Variants in MACROD2 observed in about 807,000 individuals in gnomAD.
MACROD2 encodes mono-ADP ribosylhydrolase 2.
In MACROD2, 36 loss-of-function variants were observed where a neutral mutation model predicts 70.4. The observed-to-expected ratio is 0.51, with a 90% confidence interval of 0.39 to 0.68. The LOEUF (loss-of-function observed/expected upper bound fraction) is 0.68, where lower values mean the gene tolerates loss of function less well. Among genes scored for constraint, MACROD2 ranks in the 30% least tolerant of loss-of-function variants. MACROD2 has a pLI of 0.00. For missense variants in MACROD2, 496 were observed against 538.4 expected (o/e 0.92, Z 0.78); for synonymous variants, 172 against 178.8 (o/e 0.96, Z 0.30).
At chr20:15,276,590 A>G (rs977739020) in intron 6 of MACROD2, among the ~76,000 whole-genome samples, 3 of 151,830 alleles carry the variant, frequency 2.0e-5, no homozygotes, top group Non-Finnish European at 2.9e-5. Flanking sequence ...AATTACACGA[A>G]AATACGGGGC....
intron 3 of MACROD2, among the ~76,000 whole-genome samples, chr20:14,397,996 G>A (rs1439949248): frequency 2.0e-5 from 3 of 151,908 alleles, no homozygotes; most frequent in Non-Finnish European, 4.4e-5. Flanking sequence ...TTACCTTTCT[G>A]TGCCTGAGTT....
At chr20:15,453,713 AAAAC>A (rs2046675679) in intron 7 of MACROD2, among the ~76,000 whole-genome samples, 2 of 152,168 alleles carry the variant, frequency 1.3e-5, no homozygotes, top group Admixed American at 6.6e-5. Context: ...GAGGTGTCTG[AAAAC>A]AGTCCTTCTC....
At position 13,996,039 on chromosome 20, in the gene MACROD2, C is replaced by T. The variant is rs966026918; in HGVS notation, c.46+230C>T. Among the ~76,000 whole-genome samples the T allele has an allele frequency of 3.3e-5, 5 of 152,292 alleles. No homozygotes were observed. In the East Asian group the frequency reaches 9.7e-4, roughly 30 times the overall value. The stretch of plus-strand genomic sequence containing the variant: ...AGCTCGCGCACGTGTGGGCGCACGC[C>T]CCTCTCTGTTGCCCTCGGCACCCCG... On this transcript the variant is annotated intron_variant, in intron 1 of 17. Transcript: ENST00000684519.
At chr20:14,361,266 T>A (rs997613711) in intron 3 of MACROD2, among the ~76,000 whole-genome samples, 1 of 152,130 alleles carries the variant, frequency 6.6e-6, no homozygotes, top group Non-Finnish European at 1.5e-5. Flanking sequence ...TTATAAAATA[T>A]TTTTGCTTCC....
intron 8 of MACROD2, among the ~76,000 whole-genome samples, chr20:15,553,081 C>T (rs1390628022): frequency 2.0e-5 from 3 of 152,180 alleles, no homozygotes; most frequent in African/African-American, 7.2e-5. Context: ...GGGAAGTGCA[C>T]AGGAAATTAT....
At chr20:14,382,952 A>G (rs1052044707) in intron 3 of MACROD2, among the ~76,000 whole-genome samples, 1 of 152,214 alleles carries the variant, frequency 6.6e-6, no homozygotes, top group African/African-American at 2.4e-5. Flanking sequence ...TGTAACAACT[A>G]AAATTAAAAA....
intron 4 of MACROD2, among the ~76,000 whole-genome samples, chr20:14,592,189 A>G (rs1467277992): frequency 6.6e-6 from 1 of 152,250 alleles, no homozygotes; most frequent in Non-Finnish European, 1.5e-5. Context: ...GATATGGTTA[A>G]TAGAAGGCAG....
intron 5 of MACROD2, among the ~76,000 whole-genome samples, chr20:15,177,577 C>T (rs142386493): frequency 1.3e-5 from 2 of 152,250 alleles, no homozygotes; most frequent in Non-Finnish European, 2.9e-5. Flanking sequence ...AACTTTAAGA[C>T]TGAACTCTGC....
intron 5 of MACROD2, among the ~76,000 whole-genome samples, chr20:14,977,000 G>A (rs912059030): frequency 2.0e-5 from 3 of 152,114 alleles, no homozygotes; most frequent in African/African-American, 4.8e-5. Flanking sequence ...AATAGATTAA[G>A]CTGTTTCTCT....
chr20:14,585,384 C>T (rs1981307257), intron 4 of MACROD2, among the ~76,000 whole-genome samples: 1 of 151,980 alleles, frequency 6.6e-6, no homozygotes, highest in South Asian at 2.1e-4. Context: ...TAAAATTAAG[C>T]CTTTTAGAAT....
rs753673265 is a variant in MACROD2 at position 14,720,536 on chromosome 20, C to CTTTTTT, written c.418+35606_418+35611dup. On this transcript the variant is annotated intron_variant, in intron 5 of 17. Coordinates refer to ENST00000684519, the MANE Select transcript of MACROD2 (RefSeq NM_001351661.2). Reference sequence around the variant, plus strand: ...GTTTCATTTCCCAGCTGCCCCACAACTTTTTTTTTTTTTTTTTTTTTTTTT... The same window carrying CTTTTTT: ...GTTTCATTTCCCAGCTGCCCCACAACTTTTTTTTTTTTTTTTTTTTTTTTTTTTTTT... Among the ~76,000 whole-genome samples, 323 of 35,940 alleles carry CTTTTTT rather than the reference C, an allele frequency of 9.0e-3. 76 individuals are homozygous for CTTTTTT. The highest frequency in any genetic ancestry group is 0.023 in the East Asian group (17 of 742). The allele number at this position is 35,940 out of a possible 152,430, so 23.6% of individuals were successfully genotyped here.
intron 3 of MACROD2, among the ~76,000 whole-genome samples, chr20:14,462,000 C>G (rs1435089436): frequency 6.6e-6 from 1 of 151,752 alleles, no homozygotes. Context: ...TGGGTATATA[C>G]CCAGTAATGT....
chr20:15,232,969 C>T (rs968906147), intron 6 of MACROD2, among the ~76,000 whole-genome samples: 5 of 151,870 alleles, frequency 3.3e-5, no homozygotes, highest in South Asian at 2.1e-4. Flanking sequence ...TGTACCCTGA[C>T]GTTATCAGGT....
chr20:15,627,428 A>G (rs1235576944), intron 8 of MACROD2, among the ~76,000 whole-genome samples: 1 of 152,174 alleles, frequency 6.6e-6, no homozygotes, highest in African/African-American at 2.4e-5. Flanking sequence ...TGGCCATGCC[A>G]TACAGGAGAC....
chr20:15,796,188 G>A (rs1226535468), intron 8 of MACROD2, among the ~76,000 whole-genome samples: 1 of 152,190 alleles, frequency 6.6e-6, no homozygotes, highest in Non-Finnish European at 1.5e-5. Context: ...CACATACACT[G>A]CCTTATCTGA....
chr20:14,527,237 A>G (rs1438182325), intron 4 of MACROD2, among the ~76,000 whole-genome samples: 4 of 152,136 alleles, frequency 2.6e-5, no homozygotes, highest in Non-Finnish European at 4.4e-5. Context: ...CTCCATATCC[A>G]GTTGCTTCTG....
intron 5 of MACROD2, among the ~76,000 whole-genome samples, chr20:14,837,747 A>G (rs1221504093): frequency 6.6e-6 from 1 of 152,122 alleles, no homozygotes; most frequent in Admixed American, 6.6e-5. Flanking sequence ...TTTACATAGG[A>G]AACAAAATAC....
At chr20:14,055,345 C>T (rs1027588744) in intron 2 of MACROD2, among the ~76,000 whole-genome samples, 1 of 151,620 alleles carries the variant, frequency 6.6e-6, no homozygotes, top group African/African-American at 2.4e-5. Flanking sequence ...GATCGATTTC[C>T]AAAAATGCAT....
At chr20:15,137,552 A>G (rs1206973444) in intron 5 of MACROD2, among the ~76,000 whole-genome samples, 3 of 109,242 alleles carry the variant, frequency 2.7e-5, no homozygotes, top group Non-Finnish European at 5.0e-5. Context: ...CACTCTGGGG[A>G]CTGTTGTGGG....
Sources: allele counts gnomAD v4.1 joint callset (sites outside exome capture counted in the v4.1 genomes callset), GRCh38; gene constraint gnomAD v4.1.1; transcripts MANE v1.5; gene names NCBI Gene and HGNC (gene_info 2026-07-23, HGNC 2026-07-21).